MAP3K5: variants seen among roughly 807,000 people sequenced by gnomAD.
MAP3K5 encodes the protein mitogen-activated protein kinase kinase kinase 5.
Under a neutral mutation model 158.7 loss-of-function variants are expected in MAP3K5, and 56 were observed. The observed-to-expected ratio is 0.35, with a 90% CI of 0.28 to 0.44. The LOEUF is 0.44. Among genes scored for constraint, MAP3K5 ranks in the 20% least tolerant of loss-of-function variants. The pLI is 1.00. For missense variants in MAP3K5, 1,294 were observed against 1,674.8 expected (o/e 0.77, Z 3.97); for synonymous variants, 579 against 601.7 (o/e 0.96, Z 0.55).
At chr6:136,587,998 C>T (rs1279116599) in intron 23 of MAP3K5, among the ~76,000 whole-genome samples, 3 of 152,040 alleles carry the variant, frequency 2.0e-5, no homozygotes, top group Non-Finnish European at 4.4e-5. Context: ...AAGAATAGAC[C>T]CCAACAAACT....
chr6:136,652,338 TCTC>T, intron 10 of MAP3K5, among the ~76,000 whole-genome samples: 1 of 152,218 alleles, frequency 6.6e-6, no homozygotes, highest in East Asian at 1.9e-4. Context: ...TCTCAGTCAG[TCTC>T]TAGCTGTGAA....
chr6:136,703,226 T>A (rs1780929107), intron 3 of MAP3K5, among the ~76,000 whole-genome samples: 2 of 152,290 alleles, frequency 1.3e-5, no homozygotes, highest in South Asian at 4.1e-4. Flanking sequence ...CTCTCTCAAG[T>A]CAGCGGGCAA....
At chr6:136,656,570 T>C in intron 9 of MAP3K5, 110 bp from the exon 10 acceptor site, 2 of 663,638 alleles carry the variant, frequency 3.0e-6, no homozygotes, top group South Asian at 2.1e-5. Flanking sequence ...TTAATAGTTA[T>C]GCATTCAGAT....
intron 1 of MAP3K5, among the ~76,000 whole-genome samples, chr6:136,730,550 T>C (rs1782176659): frequency 1.3e-5 from 2 of 151,350 alleles, no homozygotes; most frequent in Admixed American, 1.3e-4. Context: ...TAAAACCCCG[T>C]CTCCACTAAA....
intron 8 of MAP3K5, among the ~76,000 whole-genome samples, chr6:136,663,697 C>A (rs1010650563): frequency 6.6e-6 from 1 of 151,420 alleles, no homozygotes; most frequent in African/African-American, 2.4e-5. Context: ...GCAACCTCCA[C>A]CTCCCAGGTT....
intron 2 of MAP3K5, among the ~76,000 whole-genome samples, chr6:136,714,870 C>A (rs1248012212): frequency 6.6e-6 from 1 of 152,074 alleles, no homozygotes; most frequent in Non-Finnish European, 1.5e-5. Context: ...CTAGCCAGAT[C>A]CCAATCTAGA....
intron 1 of MAP3K5, among the ~76,000 whole-genome samples, chr6:136,726,691 T>C (rs1781982215): frequency 1.3e-5 from 2 of 152,230 alleles, no homozygotes; most frequent in Non-Finnish European, 2.9e-5. Context: ...GCACATAGTT[T>C]GTTAAATTTA....
intron 23 of MAP3K5, among the ~76,000 whole-genome samples, chr6:136,587,774 C>G (rs1199479298): frequency 1.3e-5 from 2 of 152,232 alleles, no homozygotes; most frequent in African/African-American, 4.8e-5. Flanking sequence ...TAGCTTCATG[C>G]TGGTCCCCTA....
chr6:136,784,941 T>C (rs769317389), intron 1 of MAP3K5, among the ~76,000 whole-genome samples: 9 of 152,206 alleles, frequency 5.9e-5, no homozygotes, highest in Non-Finnish European at 1.3e-4. Context: ...TCTCTACTTA[T>C]AATACTCTTA....
At chr6:136,641,941 T>C (rs1777963427) in intron 12 of MAP3K5, among the ~76,000 whole-genome samples, 1 of 150,358 alleles carries the variant, frequency 6.7e-6, no homozygotes, top group South Asian at 2.1e-4. Flanking sequence ...TGAACTGAGA[T>C]CATGCCACTG....
In MAP3K5 at chr6:136,698,636, T is replaced by C. The variant is rs759389453; in HGVS notation, c.659A>G (p.His220Arg). ...YTFVPYMITPHNKVYCCDSSF... is the reference protein window; with the variant it reads ...YTFVPYMITPRNKVYCCDSSF... ...GCTGTCACAGCAGTAGACTTTGTTA[T>C]GTGGAGTTATCATGTAAGGAACAAA... is the stretch of plus-strand genomic sequence containing the variant. The change falls in exon 4 of 30, where the codon CAT becomes CGT. Residue 220 changes from histidine (H) to arginine (R), a missense_variant. By Grantham distance (29) the His-to-Arg change is conservative. Transcript: ENST00000359015. The C allele has an allele frequency of 2.5e-6, 4 of 1,614,004 alleles. No homozygotes were observed. The highest frequency in any genetic ancestry group is 3.4e-6 in the Non-Finnish European group (4 of 1,179,962).
At chr6:136,635,583 C>G (rs1250119573) in intron 14 of MAP3K5, among the ~76,000 whole-genome samples, 1 of 151,892 alleles carries the variant, frequency 6.6e-6, no homozygotes, top group Non-Finnish European at 1.5e-5. Flanking sequence ...TAACTACGGG[C>G]AGAGTTAACA....
chr6:136,614,041 C>T (rs990212101), intron 16 of MAP3K5, 118 bp downstream of exon 16: 5 of 1,080,870 alleles, frequency 4.6e-6, no homozygotes, highest in African/African-American at 3.2e-5. Context: ...TGTCACATGT[C>T]CAATTTTTCT....
intron 1 of MAP3K5, among the ~76,000 whole-genome samples, chr6:136,779,919 C>T (rs1407897500): frequency 1.3e-5 from 2 of 152,228 alleles, no homozygotes; most frequent in Non-Finnish European, 2.9e-5. Context: ...CTGGGACCCT[C>T]TCAGGGCAAA....
intron 25 of MAP3K5, among the ~76,000 whole-genome samples, chr6:136,570,078 G>C (rs1408690456): frequency 6.6e-6 from 1 of 152,126 alleles, no homozygotes; most frequent in Non-Finnish European, 1.5e-5. Flanking sequence ...TATTTGCACA[G>C]ATTCCCTGAA....
intron 16 of MAP3K5, 92 bp downstream of exon 16, chr6:136,614,067 T>C: frequency 2.1e-6 from 3 of 1,424,088 alleles, no homozygotes; most frequent in Non-Finnish European, 1.9e-6. Context: ...TTTAGACAGA[T>C]TAAGACCTGT....
chr6:136,652,007 G>A (rs1778539484), intron 10 of MAP3K5, among the ~76,000 whole-genome samples: 1 of 152,068 alleles, frequency 6.6e-6, no homozygotes, highest in South Asian at 2.1e-4. Context: ...AGAGGAACTG[G>A]AATAATCATT....
chr6:136,635,644 T>G (rs1777590074), intron 14 of MAP3K5, among the ~76,000 whole-genome samples: 1 of 150,410 alleles, frequency 6.6e-6, no homozygotes, highest in Non-Finnish European at 1.5e-5. Flanking sequence ...TCCCAGCACT[T>G]TGGGAGGCCG....
In MAP3K5 at chr6:136,562,528, G is replaced by A; in HGVS notation, c.3849C>T (p.His1283=). The A allele has an allele frequency of 6.3e-7, 1 of 1,599,318 alleles. No individual in the cohort carries two copies. The highest frequency in any genetic ancestry group is 8.5e-7 in the Non-Finnish European group (1 of 1,171,082). The change falls in exon 27 of 30, where the codon CAC becomes CAT. Residue 1283 remains histidine, a synonymous_variant. Coordinates refer to ENST00000359015, the MANE Select transcript of MAP3K5 (RefSeq NM_005923.4). ...CTATGGGTTGGGACTTAAGCTTCAG[G>A]TGTTTAATTTCTTGGTCTTTTTCTT... is the stretch of plus-strand genomic sequence containing the variant. ...AIEEKDQEIK[H]LKLKSQPIEI...
Sources: gnomAD v4.1 joint callset for allele counts (sites outside exome capture counted in the v4.1 genomes callset) on GRCh38, gnomAD v4.1.1 for gene constraint, MANE v1.5 for transcripts, NCBI Gene and HGNC (gene_info 2026-07-23, HGNC 2026-07-21) for gene names.